The following TMEM182 variants were observed in gnomAD, a reference collection of about 807,000 sequenced individuals.
The protein encoded by TMEM182 is transmembrane protein 182.
A neutral mutation model predicts 26.8 loss-of-function variants in TMEM182; 20 were observed. The ratio of observed to expected loss-of-function variants is 0.75; its 90% CI spans 0.53 to 1.09. The LOEUF is 1.09. TMEM182 is among the 50% of genes least tolerant of loss of function. TMEM182 has a pLI of 0.00. For missense variants in TMEM182, 277 were observed against 275.5 expected, an observed-to-expected ratio of 1.01 and a Z score of -0.04; for synonymous variants, 109 against 102.2, an observed-to-expected ratio of 1.07 and a Z score of -0.40.
chr2:102,811,976 G>C (rs576110134), intron 4 of TMEM182, among the ~76,000 whole-genome samples: 24 of 152,270 alleles, frequency 1.6e-4, no homozygotes, highest in African/African-American at 5.1e-4. Flanking sequence ...TCTCAAGAAA[G>C]AGAGCCACAA....
chr2:102,760,148 A>G (rs1278806504), upstream of TMEM182, among the ~76,000 whole-genome samples: 1 of 152,244 alleles, frequency 6.6e-6, no homozygotes, highest in Non-Finnish European at 1.5e-5. Flanking sequence ...GGAAAAAACC[A>G]GAACGGAGAG....
At chr2:102,827,732 T>C (rs1261785885) in intron 3 of TMEM182, among the ~76,000 whole-genome samples, 1 of 152,208 alleles carries the variant, frequency 6.6e-6, no homozygotes, top group Non-Finnish European at 1.5e-5. Context: ...TACACCAGAC[T>C]GGAATTTCCC....
chr2:102,762,717 T>G (rs762972048), intron 2 of TMEM182, 31 bp downstream of exon 2: 8 of 1,566,522 alleles, frequency 5.1e-6, no homozygotes, highest in Non-Finnish European at 7.0e-6. Context: ...TTTTCCCTCT[T>G]GTCTGTAAAA....
chr2:102,831,143 T>C (rs1400642712), intron 3 of TMEM182, among the ~76,000 whole-genome samples: 1 of 152,254 alleles, frequency 6.6e-6, no homozygotes, highest in Non-Finnish European at 1.5e-5. Flanking sequence ...TCTTAGCTAC[T>C]GTGAACAGTG....
At chr2:102,740,802 T>G (rs988143737) in intron 1 of TMEM182, among the ~76,000 whole-genome samples, 7 of 152,292 alleles carry the variant, frequency 4.6e-5, no homozygotes, top group African/African-American at 1.7e-4. Context: ...AACCCCACAA[T>G]GGAAAATCCA....
chr2:102,807,505 A>T (rs1682391857), intron 4 of TMEM182, among the ~76,000 whole-genome samples: 1 of 152,264 alleles, frequency 6.6e-6, no homozygotes. Context: ...ACACAATTTT[A>T]AATCATTTAA....
chr2:102,761,197 CAAAT>C (rs1046659212), upstream of TMEM182, among the ~76,000 whole-genome samples: 2 of 152,060 alleles, frequency 1.3e-5, no homozygotes, highest in African/African-American at 2.4e-5. Context: ...ACAAAACAAA[CAAAT>C]AAGCTGTAAA....
intron 1 of TMEM182, 90 bp downstream of exon 1, chr2:102,762,439 G>A (rs1255977981): frequency 5.1e-6 from 8 of 1,560,334 alleles, no homozygotes; most frequent in Non-Finnish European, 6.1e-6. Context: ...GTAGTGGAGT[G>A]TCTATTTCTT....
chr2:102,738,220 A>G (rs899501209), intron 1 of TMEM182, among the ~76,000 whole-genome samples: 1 of 152,180 alleles, frequency 6.6e-6, no homozygotes, highest in Non-Finnish European at 1.5e-5. Context: ...TACTAAATAC[A>G]TAGCTAGGGT....
intron 3 of TMEM182, 60 bp downstream of exon 3, chr2:102,764,487 C>G: frequency 2.8e-6 from 4 of 1,433,820 alleles, no homozygotes; most frequent in Admixed American, 1.8e-5. Flanking sequence ...GAAGGATGCC[C>G]AGATCAAAAT....
chr2:102,810,860 G>A (rs115093059), intron 4 of TMEM182, among the ~76,000 whole-genome samples: 3,680 of 151,768 alleles, frequency 0.024, 59 homozygotes, highest in Non-Finnish European at 0.033. Flanking sequence ...TTCTATTCTT[G>A]CTAAAGTCAC....
rs116655953 is a variant in TMEM182, at chr2:102,742,069, G to A, written c.-83+5056G>A. Among the ~76,000 whole-genome samples the A allele has an allele frequency of 9.3e-3, 1,411 of 152,262 alleles. 10 individuals carry two copies. The highest frequency in any genetic ancestry group is 0.016 in the South Asian group (77 of 4,824). On this transcript the variant is annotated intron_variant, in intron 1 of 5. Transcript: ENST00000409173. ...TAGAACTAGACTCAGATATGACACA[G>A]GTCTTGGAATTATTAGACATGGAAT...
rs1320682050 is a variant in TMEM182 at position 102,810,935 on chromosome 2, C to G, written c.470-3813C>G. 2.0e-5 allele frequency among the ~76,000 whole-genome samples: 3 copies of G among 151,440 alleles called. No homozygotes were observed. The East Asian group carries it at 5.8e-4, about 29-fold the overall frequency. ...GTTATTGTTTATGTTTTTAAAAGTCCTGAGATATCAAAATATAGATGTTGT... is the reference window on the plus strand; with the variant it reads ...GTTATTGTTTATGTTTTTAAAAGTCGTGAGATATCAAAATATAGATGTTGT... On this transcript the variant is annotated intron_variant, in intron 4 of 4. Transcript: ENST00000412401.
chr2:102,835,194 G>A (rs1326270258), intron 3 of TMEM182, among the ~76,000 whole-genome samples: 1 of 152,152 alleles, frequency 6.6e-6, no homozygotes, highest in Non-Finnish European at 1.5e-5. Flanking sequence ...CAAATGCTTG[G>A]CAAATGGTAA....
rs373128000 is a variant in TMEM182, at chr2:102,777,027, T to G, written c.331+12600T>G. 3.0e-4 allele frequency among the ~76,000 whole-genome samples: 46 copies of G among 152,186 alleles called. 3 individuals carry two copies. The East Asian group carries it at 3.9e-3, about 13-fold the overall frequency. On this transcript the variant is annotated intron_variant, in intron 3 of 4. Coordinates refer to ENST00000412401, the MANE Select transcript of TMEM182 (RefSeq NM_144632.5). ...TTATTCTTGAATTTTAAGATTTCTT[T>G]GCGTATTTTCAGTACCAGTCCTTTA...
At chr2:102,772,778 T>A (rs1680732926) in intron 3 of TMEM182, among the ~76,000 whole-genome samples, 1 of 152,218 alleles carries the variant, frequency 6.6e-6, no homozygotes, top group African/African-American at 2.4e-5. Flanking sequence ...GACATCATAA[T>A]ACAAATGCTT....
intron 3 of TMEM182, among the ~76,000 whole-genome samples, chr2:102,797,073 G>A (rs1432292467): frequency 6.6e-6 from 1 of 151,996 alleles, no homozygotes; most frequent in Non-Finnish European, 1.5e-5. Context: ...ATTCCTTTTT[G>A]TTTGATTACC....
intron 1 of TMEM182, among the ~76,000 whole-genome samples, chr2:102,745,983 T>C (rs527865260): frequency 1.3e-5 from 2 of 152,364 alleles, no homozygotes; most frequent in Non-Finnish European, 1.5e-5. Flanking sequence ...GGGTTGATGG[T>C]ACCTCTATGT....
chr2:102,768,645 G>A (rs1680557011), intron 3 of TMEM182, among the ~76,000 whole-genome samples: 1 of 152,000 alleles, frequency 6.6e-6, no homozygotes, highest in Non-Finnish European at 1.5e-5. Flanking sequence ...AGGTTGCGAT[G>A]AGCTGAGATC....
Sources: allele counts gnomAD v4.1 joint callset (sites outside exome capture counted in the v4.1 genomes callset), GRCh38; gene constraint gnomAD v4.1.1; transcripts MANE v1.5; gene names NCBI Gene and HGNC (gene_info 2026-07-23, HGNC 2026-07-21).